CDKAL1: variants seen among roughly 807,000 people sequenced by gnomAD.
CDKAL1 encodes threonylcarbamoyladenosine tRNA methylthiotransferase.
CDKAL1 carries 32 observed loss-of-function variants against 68.2 expected under a neutral mutation model. The ratio of observed to expected loss-of-function variants is 0.47; its 90% CI spans 0.35 to 0.63. The LOEUF (loss-of-function observed/expected upper bound fraction) is 0.63, where lower values mean the gene tolerates loss of function less well. CDKAL1 is among the 30% of genes least tolerant of loss of function. The probability of loss-of-function intolerance (pLI) is 0.00; values close to 1 mark genes in which losing one functional copy is unlikely to be tolerated. For missense variants in CDKAL1, 606 were observed against 696.7 expected, an observed-to-expected ratio of 0.87 and a Z score of 1.47; for synonymous variants, 234 against 244.3, an observed-to-expected ratio of 0.96 and a Z score of 0.39.
At chr6:20,771,767 C>T (rs181076769) in intron 7 of CDKAL1, among the ~76,000 whole-genome samples, 1 of 152,168 alleles carries the variant, frequency 6.6e-6, no homozygotes, top group East Asian at 1.9e-4. Flanking sequence ...TATCTGTCCC[C>T]TTCGTGTCTT....
At chr6:20,843,325 G>T (rs576015496) in intron 8 of CDKAL1, among the ~76,000 whole-genome samples, 1 of 151,160 alleles carries the variant, frequency 6.6e-6, no homozygotes, top group African/African-American at 2.4e-5. Context: ...TTCTTCCCCT[G>T]CCCTTTCCCC....
chr6:21,160,510 C>G (rs772189970), intron 13 of CDKAL1, among the ~76,000 whole-genome samples: 5 of 150,474 alleles, frequency 3.3e-5, no homozygotes, highest in Admixed American at 6.6e-5. Context: ...GTTGGTCAGG[C>G]TGGTCTCGAA....
At chr6:20,853,369 G>A (rs1262751828) in intron 9 of CDKAL1, among the ~76,000 whole-genome samples, 5 of 143,498 alleles carry the variant, frequency 3.5e-5, no homozygotes, top group Admixed American at 1.4e-4. Context: ...CAACAGAGGG[G>A]ATTTCGTCTC....
chr6:20,711,081 G>C (rs1771822028), intron 5 of CDKAL1, among the ~76,000 whole-genome samples: 1 of 152,120 alleles, frequency 6.6e-6, no homozygotes, highest in African/African-American at 2.4e-5. Context: ...TGGCTTTTTA[G>C]TAGGATTAAG....
chr6:20,884,767 G>A (rs1241635431), intron 9 of CDKAL1, among the ~76,000 whole-genome samples: 1 of 152,130 alleles, frequency 6.6e-6, no homozygotes, highest in African/African-American at 2.4e-5. Flanking sequence ...GTTTACAATA[G>A]CATCTGAAAG....
At chr6:20,781,891 G>A (rs191682973) in intron 8 of CDKAL1, among the ~76,000 whole-genome samples, 3 of 152,254 alleles carry the variant, frequency 2.0e-5, no homozygotes, top group Admixed American at 6.5e-5. Context: ...AAAATTTGAT[G>A]AGATGAAGGG....
chr6:20,548,719 T>A lies in CDKAL1; in HGVS notation c.286+14T>A. 8.9e-7 allele frequency: 1 copy of A among 1,127,444 alleles called. No individual in the cohort carries two copies. Among genetic ancestry groups the A allele is most frequent in the Non-Finnish European group, 1.3e-6 (1 of 760,892 alleles). 69.8% of individuals were successfully genotyped at this position (1,127,444 alleles called of 1,614,324 possible). A position where few individuals can be genotyped will look rare whatever the true frequency, so the allele number is the denominator to read the frequency against. On this transcript the variant is annotated intron_variant, in intron 4 of 15. Coordinates refer to ENST00000274695, the MANE Select transcript of CDKAL1 (RefSeq NM_017774.3). ...ATAAAATTACAGGTAATGAGATCTATAATATATTTTATTGATTAAATTTTT... is the reference window on the plus strand; with the variant it reads ...ATAAAATTACAGGTAATGAGATCTAAAATATATTTTATTGATTAAATTTTT...
intron 13 of CDKAL1, among the ~76,000 whole-genome samples, chr6:21,188,655 C>T (rs986339844): frequency 3.9e-5 from 6 of 152,128 alleles, no homozygotes; most frequent in Non-Finnish European, 5.9e-5. Flanking sequence ...CTTCAGTTTT[C>T]AATATTGAGC....
chr6:20,632,065 G>C (rs909270507), intron 4 of CDKAL1, among the ~76,000 whole-genome samples: 1 of 152,050 alleles, frequency 6.6e-6, no homozygotes, highest in East Asian at 1.9e-4. Flanking sequence ...TGTGTAACAC[G>C]GATGCCCCTT....
intron 11 of CDKAL1, among the ~76,000 whole-genome samples, chr6:21,012,551 A>G (rs1768081522): frequency 6.6e-6 from 1 of 152,242 alleles, no homozygotes; most frequent in African/African-American, 2.4e-5. Flanking sequence ...AATGGAAATA[A>G]GAGAATATTT....
intron 11 of CDKAL1, among the ~76,000 whole-genome samples, chr6:21,036,321 TCTTCCTAC>T (rs1769595899): frequency 2.0e-5 from 3 of 152,238 alleles, no homozygotes; most frequent in Admixed American, 6.5e-5. Flanking sequence ...TGAAGGCAGG[TCTTCCTAC>T]TGAGGAAAAA....
intron 6 of CDKAL1, chr6:20,756,315 T>C (rs890101823): frequency 2.6e-5 from 4 of 152,246 alleles, no homozygotes; most frequent in African/African-American, 9.6e-5. Context: ...CCCCAGCTTT[T>C]TACTGAGTAC....
chr6:20,694,613 C>T (rs1165759711), intron 5 of CDKAL1, among the ~76,000 whole-genome samples: 4 of 152,156 alleles, frequency 2.6e-5, no homozygotes, highest in African/African-American at 7.2e-5. Flanking sequence ...CACCAAATAG[C>T]CCACGAAAGT....
chr6:21,142,333 C>G (rs1365612842), intron 13 of CDKAL1, among the ~76,000 whole-genome samples: 1 of 145,504 alleles, frequency 6.9e-6, no homozygotes, highest in Non-Finnish European at 1.5e-5. Flanking sequence ...AAAAAAAAAT[C>G]TGCTCATCTG....
intron 5 of CDKAL1, among the ~76,000 whole-genome samples, chr6:20,654,179 G>A (rs183323804): frequency 9.7e-4 from 147 of 152,296 alleles, no homozygotes; most frequent in African/African-American, 1.3e-3. Context: ...CACTGTGCCC[G>A]GCCTTTGTTG....
intron 6 of CDKAL1, among the ~76,000 whole-genome samples, chr6:20,746,998 C>T (rs1773691051): frequency 6.6e-6 from 1 of 151,968 alleles, no homozygotes; most frequent in African/African-American, 2.4e-5. Flanking sequence ...CATTTTTCTC[C>T]CCCTCCCCAC....
chr6:21,118,038 G>A (rs1408216372), intron 13 of CDKAL1, among the ~76,000 whole-genome samples: 2 of 152,082 alleles, frequency 1.3e-5, no homozygotes, highest in East Asian at 1.9e-4. Context: ...TGTTCAGCAG[G>A]CACAAAGAAA....
intron 9 of CDKAL1, among the ~76,000 whole-genome samples, chr6:20,853,389 AACAAAAAAAAAAC>A (rs1284740346): frequency 9.4e-5 from 5 of 53,312 alleles, no homozygotes; most frequent in Admixed American, 2.0e-4. Context: ...CAAAAAACAA[AACAAAAAAAAAAC>A]AAAAAAAAAA....
chr6:21,043,931 G>C (rs964839637), intron 11 of CDKAL1, among the ~76,000 whole-genome samples: 1 of 152,204 alleles, frequency 6.6e-6, no homozygotes, highest in African/African-American at 2.4e-5. Flanking sequence ...TTTCTGATCA[G>C]AAATTGATTT....
Sources: gnomAD v4.1 joint callset for allele counts (sites outside exome capture counted in the v4.1 genomes callset) on GRCh38, gnomAD v4.1.1 for gene constraint, MANE v1.5 for transcripts, NCBI Gene and HGNC (gene_info 2026-07-23, HGNC 2026-07-21) for gene names.